FAM81A: variants seen among roughly 807,000 people sequenced by gnomAD.
FAM81A encodes the protein family with sequence similarity 81 member A.
A neutral mutation model predicts 46.7 loss-of-function variants in FAM81A; 19 were observed. The ratio of observed to expected loss-of-function variants is 0.41; its 90% confidence interval spans 0.28 to 0.60. The LOEUF (loss-of-function observed/expected upper bound fraction) is 0.60. Ranked by LOEUF, FAM81A falls within the 20% of genes least tolerant of loss-of-function variation. The pLI is 0.34. For missense variants in FAM81A, 377 were observed against 453.5 expected, an observed-to-expected ratio of 0.83 and a Z score of 1.53; for synonymous variants, 183 against 152.9, an observed-to-expected ratio of 1.20 and a Z score of -1.45.
At position 59,504,450 on chromosome 15, in the gene FAM81A, T is replaced by C. The variant is rs575510298; in HGVS notation, c.414-2763T>C. 7.9e-5 allele frequency among the ~76,000 whole-genome samples: 12 copies of C among 152,342 alleles called. No individual in the cohort carries two copies. The East Asian group carries it at 2.1e-3, about 27-fold the overall frequency. On this transcript the variant is annotated intron_variant, in intron 4 of 8. Coordinates refer to ENST00000288228, the MANE Select transcript of FAM81A (RefSeq NM_152450.3). ...TGAAAGAGGCATATATAATGTCTCC[T>C]TGCATGCAGTTTACATTCTAGAACA...
chr15:59,441,617 C>T (rs910354786), intron 1 of FAM81A, among the ~76,000 whole-genome samples: 4 of 152,354 alleles, frequency 2.6e-5, no homozygotes, highest in Non-Finnish European at 5.9e-5. Context: ...CCTCAGAGGG[C>T]TCTGGCATAG....
In FAM81A at chr15:59,466,819, T is replaced by C. The variant is rs536515483; in HGVS notation, c.294+6613T>C. Among the ~76,000 whole-genome samples the C allele has an allele frequency of 1.2e-3, 182 of 152,340 alleles. 1 individual carries two copies. The highest frequency in any genetic ancestry group is 4.2e-3 in the African/African-American group (174 of 41,576). On this transcript the variant is annotated intron_variant, in intron 3 of 8. Coordinates refer to ENST00000288228, the MANE Select transcript of FAM81A (RefSeq NM_152450.3). The stretch of plus-strand genomic sequence containing the variant: ...TGAATGGTACTGCCTAGGTTTCTTC[T>C]AGGGTTTTTAGGGTTTTTAGGTCTA...
At chr15:59,471,799 A>G (rs375916659) in intron 3 of FAM81A, among the ~76,000 whole-genome samples, 1 of 152,104 alleles carries the variant, frequency 6.6e-6, no homozygotes, top group Non-Finnish European at 1.5e-5. Context: ...ATACATAGTT[A>G]TCAAATTTCA....
chr15:59,511,261 C>T (rs1425633098), intron 6 of FAM81A, among the ~76,000 whole-genome samples: 1 of 151,750 alleles, frequency 6.6e-6, no homozygotes, highest in Non-Finnish European at 1.5e-5. Context: ...AAATATAGGT[C>T]AATGACAACA....
intron 2 of FAM81A, among the ~76,000 whole-genome samples, chr15:59,432,289 A>G (rs1343669525): frequency 3.3e-5 from 5 of 152,348 alleles, no homozygotes; most frequent in South Asian, 2.1e-4. Context: ...ACGAATCTTC[A>G]CTCCTTTGCT....
upstream of FAM81A, among the ~76,000 whole-genome samples, chr15:59,434,562 T>C (rs1373115055): frequency 1.3e-5 from 2 of 152,224 alleles, no homozygotes; most frequent in Non-Finnish European, 2.9e-5. Flanking sequence ...AGCCTTCTCA[T>C]CTGTGTCTTC....
At chr15:59,429,956 T>C (rs565322698) in intron 2 of FAM81A, among the ~76,000 whole-genome samples, 1 of 152,322 alleles carries the variant, frequency 6.6e-6, no homozygotes, top group Admixed American at 6.5e-5. Flanking sequence ...GGCCAGGTAG[T>C]AGGACTAGGG....
intron 8 of FAM81A, among the ~76,000 whole-genome samples, chr15:59,517,206 A>T (rs148866526): frequency 2.6e-5 from 4 of 152,186 alleles, no homozygotes; most frequent in Admixed American, 6.6e-5. Flanking sequence ...TAGTGCTAGC[A>T]GTACAGTACC....
intron 1 of FAM81A, among the ~76,000 whole-genome samples, chr15:59,400,713 A>G (rs565376621): frequency 1.5e-4 from 23 of 152,242 alleles, no homozygotes; most frequent in South Asian, 8.3e-4. Context: ...CCAAGCTGCA[A>G]TGCTCTTTTC....
intron 2 of FAM81A, among the ~76,000 whole-genome samples, chr15:59,416,971 C>A (rs1240723252): frequency 6.6e-6 from 1 of 152,102 alleles, no homozygotes; most frequent in East Asian, 1.9e-4. Context: ...GCCAAAGAGT[C>A]CCCATCCTAG....
chr15:59,482,596 C>T (rs538987795), intron 3 of FAM81A, among the ~76,000 whole-genome samples: 19 of 152,250 alleles, frequency 1.2e-4, no homozygotes, highest in South Asian at 4.1e-4. Context: ...GTGTATTAGG[C>T]GCTGGGCTCG....
At chr15:59,471,636 T>TA (rs2081692199) in intron 3 of FAM81A, among the ~76,000 whole-genome samples, 1 of 54,560 alleles carries the variant, frequency 1.8e-5, no homozygotes, top group Admixed American at 2.2e-4. Context: ...TAATTTTTCT[T>TA]ATTTTTTTTT....
At chr15:59,402,035 C>T in intron 1 of FAM81A, 1 of 570,742 alleles carries the variant, frequency 1.8e-6, no homozygotes, top group Non-Finnish European at 3.1e-6. Context: ...AGGAGCAGCC[C>T]CTGGGGTGCG....
At chr15:59,506,800 C>T (rs1297973501) in intron 4 of FAM81A, among the ~76,000 whole-genome samples, 3 of 152,176 alleles carry the variant, frequency 2.0e-5, no homozygotes, top group Non-Finnish European at 4.4e-5. Flanking sequence ...GTGATTCAGT[C>T]AAAGTTTAGA....
chr15:59,511,419 CATT>C (rs1256880680), intron 6 of FAM81A, among the ~76,000 whole-genome samples: 1 of 152,106 alleles, frequency 6.6e-6, no homozygotes, highest in Admixed American at 6.5e-5. Context: ...AATTTCCAAA[CATT>C]AGAAGAAATC....
chr15:59,503,444 A>G (rs1196617538), intron 4 of FAM81A, among the ~76,000 whole-genome samples: 2 of 152,122 alleles, frequency 1.3e-5, no homozygotes, highest in East Asian at 3.9e-4. Context: ...AGTATTATAT[A>G]TACTATTCTG....
chr15:59,468,397 G>A (rs2081642240), intron 3 of FAM81A, among the ~76,000 whole-genome samples: 1 of 152,114 alleles, frequency 6.6e-6, no homozygotes, highest in African/African-American at 2.4e-5. Flanking sequence ...CCTGTTACTG[G>A]TCTATTCAGA....
At chr15:59,417,781 T>G (rs2081153544) in intron 2 of FAM81A, among the ~76,000 whole-genome samples, 1 of 152,122 alleles carries the variant, frequency 6.6e-6, no homozygotes, top group South Asian at 2.1e-4. Flanking sequence ...TTTTATTTTT[T>G]TTATTATACT....
chr15:59,416,830 T>C (rs569939479), intron 2 of FAM81A, among the ~76,000 whole-genome samples: 1 of 152,324 alleles, frequency 6.6e-6, no homozygotes, highest in East Asian at 1.9e-4. Context: ...ACCATTCTAT[T>C]TTCAAATATC....
Sources: allele counts gnomAD v4.1 joint callset (sites outside exome capture counted in the v4.1 genomes callset), GRCh38; gene constraint gnomAD v4.1.1; transcripts MANE v1.5; gene names NCBI Gene and HGNC (gene_info 2026-07-23, HGNC 2026-07-21).